The following MAD1L1 variants were observed in gnomAD, a reference collection of about 807,000 sequenced individuals.
MAD1L1 encodes the protein mitotic spindle assembly checkpoint protein MAD1.
Under a neutral mutation model 96.9 loss-of-function variants are expected in MAD1L1, and 95 were observed. The ratio of observed to expected loss-of-function variants is 0.98; its 90% CI spans 0.83 to 1.16. The LOEUF (loss-of-function observed/expected upper bound fraction) is 1.16. Among genes scored for constraint, MAD1L1 ranks in the 50% most tolerant of loss-of-function variants. The pLI is 0.00. For missense variants in MAD1L1, 1,007 were observed against 954.4 expected (o/e 1.06, Z -0.73); for synonymous variants, 473 against 396.6 (o/e 1.19, Z -2.29).
chr7:1,930,864 C>T (rs1355202735), intron 17 of MAD1L1, among the ~76,000 whole-genome samples: 3 of 152,150 alleles, frequency 2.0e-5, no homozygotes, highest in Non-Finnish European at 2.9e-5. Flanking sequence ...TGGTCTCTCT[C>T]GTGACCCAGG....
At position 1,936,910 on chromosome 7, in the gene MAD1L1, A is replaced by T. The variant is rs1413614914; in HGVS notation, c.1597-13T>A. 1 of 1,575,118 alleles carries T rather than the reference A, an allele frequency of 6.3e-7. No individual in the cohort carries two copies. The highest frequency in any genetic ancestry group is 1.2e-5 in the South Asian group (1 of 86,442). On this transcript the variant is annotated splice_polypyrimidine_tract_variant and intron_variant, in intron 16 of 18. Transcript: ENST00000265854. ...GGTCATAGTCACCCTGCAGGAACAC[A>T]CACAGCACAGGTCACCATGGCCCAG...
chr7:2,067,878 T>C (rs1393702725), intron 12 of MAD1L1, among the ~76,000 whole-genome samples: 1 of 152,286 alleles, frequency 6.6e-6, no homozygotes, highest in Non-Finnish European at 1.5e-5. Flanking sequence ...GGTGCTGGTC[T>C]GGTGCCACTG....
At chr7:1,938,685 G>C (rs897969759) in intron 16 of MAD1L1, among the ~76,000 whole-genome samples, 3 of 152,116 alleles carry the variant, frequency 2.0e-5, no homozygotes, top group Non-Finnish European at 2.9e-5. Context: ...CACCCAAAAA[G>C]CTGATAAACA....
At chr7:2,039,249 G>A (rs967721632) in intron 12 of MAD1L1, among the ~76,000 whole-genome samples, 2 of 152,206 alleles carry the variant, frequency 1.3e-5, no homozygotes, top group African/African-American at 4.8e-5. Context: ...AGGCACTACC[G>A]TTGTTTAACC....
chr7:1,969,510 A>C (rs996536611), intron 15 of MAD1L1, among the ~76,000 whole-genome samples: 2 of 152,362 alleles, frequency 1.3e-5, no homozygotes, highest in Middle Eastern at 3.4e-3. Flanking sequence ...CTTCTATTCA[A>C]CATAGCCAGA....
intron 16 of MAD1L1, among the ~76,000 whole-genome samples, chr7:1,949,660 C>A (rs1034172096): frequency 3.3e-5 from 5 of 152,242 alleles, no homozygotes; most frequent in Non-Finnish European, 7.3e-5. Context: ...CCTGTGCTTC[C>A]CTTCTCCTCT....
chr7:1,964,733 G>T (rs1780088900), intron 15 of MAD1L1, among the ~76,000 whole-genome samples: 1 of 152,250 alleles, frequency 6.6e-6, no homozygotes, highest in South Asian at 2.1e-4. Context: ...GCGTGTGCGT[G>T]GAAAGCAGGT....
chr7:2,142,601 T>C lies in MAD1L1; in HGVS notation c.1073+6551A>G, dbSNP rs1046485590. ...CCTGGCGCGTGCCCTGCCACAGCCC[T>C]GGACCAGACAGGCATGGCAGGCTGC... On this transcript the variant is annotated intron_variant, in intron 11 of 18. Transcript: ENST00000265854. The surrounding 1 kb of genome is among the most constrained non-coding windows in gnomAD (Gnocchi z 4.7). 6.6e-6 allele frequency among the ~76,000 whole-genome samples: 1 copy of C among 152,194 alleles called. No individual in the cohort carries two copies. Among genetic ancestry groups the C allele is most frequent in the Admixed American group, 6.5e-5 (1 of 15,280 alleles).
At chr7:2,162,017 C>A (rs1227264455) in intron 10 of MAD1L1, among the ~76,000 whole-genome samples, 1 of 150,942 alleles carries the variant, frequency 6.6e-6, no homozygotes, top group Non-Finnish European at 1.5e-5. Context: ...GCGGCCCCTG[C>A]CCATCCACCC....
intron 18 of MAD1L1, among the ~76,000 whole-genome samples, chr7:1,859,681 G>A (rs781612294): frequency 6.6e-6 from 1 of 152,180 alleles, no homozygotes; most frequent in Non-Finnish European, 1.5e-5. Flanking sequence ...CCCTCAGCTG[G>A]TGCTCTCCGT....
chr7:2,118,997 G>C (rs1273527958), intron 11 of MAD1L1, among the ~76,000 whole-genome samples: 4 of 152,052 alleles, frequency 2.6e-5, no homozygotes, highest in Non-Finnish European at 4.4e-5. Flanking sequence ...ACGCCCAGCT[G>C]CCTGGGCTCG....
intron 18 of MAD1L1, among the ~76,000 whole-genome samples, chr7:1,888,644 G>C (rs116713871): frequency 0.1 from 15,401 of 152,136 alleles, 2,553 homozygotes; most frequent in African/African-American, 0.34. Flanking sequence ...GTGGATGCCT[G>C]TGTGTGCGCG....
At chr7:1,942,089 T>C (rs1468648063) in intron 16 of MAD1L1, among the ~76,000 whole-genome samples, 1 of 152,162 alleles carries the variant, frequency 6.6e-6, no homozygotes, top group Non-Finnish European at 1.5e-5. Flanking sequence ...CCTTCCTTTC[T>C]TCCCTTAGTC....
At chr7:2,096,383 C>G (rs1475372466) in intron 11 of MAD1L1, among the ~76,000 whole-genome samples, 1 of 152,224 alleles carries the variant, frequency 6.6e-6, no homozygotes, top group African/African-American at 2.4e-5. Context: ...TGCCTGCAAT[C>G]TGGCTCTGGG....
At chr7:2,022,195 G>A (rs926111247) in intron 12 of MAD1L1, among the ~76,000 whole-genome samples, 15 of 152,218 alleles carry the variant, frequency 9.9e-5, no homozygotes, top group Admixed American at 1.3e-4. Flanking sequence ...GGTGACGATG[G>A]TGCAGGGATG....
At chr7:1,839,719 C>T (rs1478683653) in intron 18 of MAD1L1, among the ~76,000 whole-genome samples, 1 of 152,146 alleles carries the variant, frequency 6.6e-6, no homozygotes, top group Non-Finnish European at 1.5e-5. Context: ...CTGCCCAGGC[C>T]CTTCAGTTAG....
rs1332986400 is a variant in MAD1L1 at position 1,898,355 on chromosome 7, T to C, written c.1843A>G (p.Asn615Asp). 8.7e-6 allele frequency: 14 copies of C among 1,613,836 alleles called. No homozygotes were observed. The highest frequency in any genetic ancestry group is 1.2e-5 in the Non-Finnish European group (14 of 1,179,994). ...KKQVESAELK[N>D]QRLKEVFQTK... ...TGGAAAACCTCCTTGAGCCGCTGGTTCTTCAGCTCGGCACTCTCCACCTGC... is the reference window on the plus strand; with the variant it reads ...TGGAAAACCTCCTTGAGCCGCTGGTCCTTCAGCTCGGCACTCTCCACCTGC... The change falls in exon 18 of 19, where the codon AAC becomes GAC. Residue 615 changes from asparagine to aspartate, a missense_variant. Physicochemically the swap from Asn to Asp is conservative, Grantham distance 23. Coordinates refer to ENST00000265854, the MANE Select transcript of MAD1L1 (RefSeq NM_001013836.2).
intron 18 of MAD1L1, among the ~76,000 whole-genome samples, chr7:1,891,099 G>T (rs1786509809): frequency 6.6e-6 from 1 of 152,222 alleles, no homozygotes; most frequent in South Asian, 2.1e-4. Flanking sequence ...AGGGTGCACA[G>T]AAGCGACACC....
intron 18 of MAD1L1, among the ~76,000 whole-genome samples, chr7:1,824,808 C>T (rs4255035): frequency 0.42 from 63,546 of 151,822 alleles, 13,471 homozygotes; most frequent in Non-Finnish European, 0.45. Context: ...TCAAAAGACT[C>T]TCCGGGCGTC....
Sources: allele counts gnomAD v4.1 joint callset (sites outside exome capture counted in the v4.1 genomes callset), GRCh38; gene constraint gnomAD v4.1.1; non-coding constraint Gnocchi (gnomAD v3.1); transcripts MANE v1.5; gene names NCBI Gene and HGNC (gene_info 2026-07-23, HGNC 2026-07-21).